CDH19: variants seen among roughly 807,000 people sequenced by gnomAD.
CDH19 encodes the protein cadherin 19, also known as cadherin-19.
A neutral mutation model predicts 64.2 loss-of-function variants in CDH19; 67 were observed. That is an observed-to-expected ratio of 1.04 (90% CI 0.86 to 1.28). CDH19 has a LOEUF of 1.28. Among genes scored for constraint, CDH19 ranks in the 50% most tolerant of loss-of-function variants. The probability of loss-of-function intolerance (pLI) is 0.00; values close to 1 mark genes in which losing one functional copy is unlikely to be tolerated. For missense variants in CDH19, 1,030 were observed against 929.0 expected (o/e 1.11, Z -1.41); for synonymous variants, 346 against 319.3 (o/e 1.08, Z -0.89).
chr18:66,519,734 GA>G (rs753101264), intron 9 of CDH19, among the ~76,000 whole-genome samples: 2 of 151,886 alleles, frequency 1.3e-5, no homozygotes, highest in Non-Finnish European at 2.9e-5. Context: ...ACCTAACAAA[GA>G]AACAAAAAAC....
At chr18:66,595,749 G>T (rs1031142154) in intron 1 of CDH19, among the ~76,000 whole-genome samples, 3 of 152,030 alleles carry the variant, frequency 2.0e-5, no homozygotes, top group African/African-American at 7.2e-5. Flanking sequence ...AAAGAAGACG[G>T]GGTATCAATT....
intron 9 of CDH19, among the ~76,000 whole-genome samples, chr18:66,514,943 C>T (rs1458741966): frequency 1.3e-5 from 2 of 151,536 alleles, no homozygotes; most frequent in African/African-American, 4.8e-5. Context: ...GTTTCCTTAC[C>T]TTCATGGCAA....
At chr18:66,521,520 T>C (rs1263675978) in intron 9 of CDH19, among the ~76,000 whole-genome samples, 13 of 76,462 alleles carry the variant, frequency 1.7e-4, no homozygotes, top group Non-Finnish European at 3.8e-4. Context: ...ATTTATTTAT[T>C]TATTTTGTTT....
intron 9 of CDH19, among the ~76,000 whole-genome samples, chr18:66,517,081 G>A (rs2144366783): frequency 6.6e-6 from 1 of 152,174 alleles, no homozygotes; most frequent in South Asian, 2.1e-4. Flanking sequence ...TGTTTTCTCA[G>A]GTTAGTCAGA....
intron 9 of CDH19, among the ~76,000 whole-genome samples, chr18:66,514,566 T>A (rs1335299124): frequency 6.6e-6 from 1 of 151,390 alleles, no homozygotes; most frequent in Non-Finnish European, 1.5e-5. Context: ...ACATTAGGTA[T>A]AAATGTATGA....
chr18:66,533,420 C>T lies in CDH19; in HGVS notation c.1336+1566G>A, dbSNP rs996163912. On this transcript the variant is annotated intron_variant, in intron 8 of 11. Transcript: ENST00000262150. Reference sequence around the variant, plus strand: ...AGGTTCGTATTTGTTATGGTTTCAGCGCATACATCATCACAGAATATCTTT... The same window carrying T: ...AGGTTCGTATTTGTTATGGTTTCAGTGCATACATCATCACAGAATATCTTT... 4.6e-5 allele frequency among the ~76,000 whole-genome samples: 7 copies of T among 151,964 alleles called. 1 individual carries two copies. In the South Asian group the frequency reaches 6.2e-4, roughly 14 times the overall value.
intron 1 of CDH19, among the ~76,000 whole-genome samples, chr18:66,576,589 A>G (rs1205390162): frequency 1.3e-5 from 2 of 151,608 alleles, no homozygotes; most frequent in African/African-American, 2.4e-5. Context: ...ACTTTTCTAA[A>G]TGTTTATACA....
intron 1 of CDH19, among the ~76,000 whole-genome samples, chr18:66,600,637 T>C (rs144408831): frequency 8.6e-5 from 13 of 152,016 alleles, no homozygotes; most frequent in African/African-American, 2.4e-4. Flanking sequence ...TAAAATGACA[T>C]GAAAGTTTTA....
chr18:66,549,043 A>G (rs929536034), intron 5 of CDH19, among the ~76,000 whole-genome samples: 13 of 152,100 alleles, frequency 8.5e-5, no homozygotes, highest in Non-Finnish European at 1.9e-4. Context: ...AGAGGAGGGT[A>G]ATGGGATTCC....
intron 3 of CDH19, among the ~76,000 whole-genome samples, chr18:66,563,167 G>A (rs140131517): frequency 1.3e-3 from 198 of 152,084 alleles, no homozygotes; most frequent in African/African-American, 4.6e-3. Context: ...AGAGAAATTA[G>A]CAACCTGTGG....
At chr18:66,530,469 C>T (rs1477074592) in intron 8 of CDH19, among the ~76,000 whole-genome samples, 1 of 151,716 alleles carries the variant, frequency 6.6e-6, no homozygotes, top group African/African-American at 2.4e-5. Flanking sequence ...AAATTTAGGG[C>T]GTAGCTTTTA....
At chr18:66,591,651 C>T (rs147141059) in intron 1 of CDH19, among the ~76,000 whole-genome samples, 197 of 151,846 alleles carry the variant, frequency 1.3e-3, no homozygotes, top group African/African-American at 4.3e-3. Context: ...GTCACTGTCA[C>T]GTCCGAATAT....
intron 3 of CDH19, among the ~76,000 whole-genome samples, chr18:66,555,686 C>A (rs1987492557): frequency 6.6e-6 from 1 of 151,616 alleles, no homozygotes; most frequent in Non-Finnish European, 1.5e-5. Flanking sequence ...TAGACACTTA[C>A]TAGTTTCAGA....
intron 7 of CDH19, among the ~76,000 whole-genome samples, 174 bp downstream of exon 7, chr18:66,543,797 C>T (rs1385978350): frequency 1.3e-5 from 2 of 151,970 alleles, no homozygotes; most frequent in Non-Finnish European, 2.9e-5. Context: ...GCAGAAGACT[C>T]GCTTGAACCT....
chr18:66,593,847 C>T (rs1471219925), intron 1 of CDH19, among the ~76,000 whole-genome samples: 1 of 151,926 alleles, frequency 6.6e-6, no homozygotes, highest in Non-Finnish European at 1.5e-5. Flanking sequence ...GAATGAAGTT[C>T]CACAATTCAA....
At chr18:66,518,384 C>T (rs1985832615) in intron 9 of CDH19, among the ~76,000 whole-genome samples, 1 of 152,048 alleles carries the variant, frequency 6.6e-6, no homozygotes, top group South Asian at 2.1e-4. Flanking sequence ...CAGGTGCCCA[C>T]CACCGTGCCC....
intron 9 of CDH19, among the ~76,000 whole-genome samples, chr18:66,518,942 C>G (rs114183814): frequency 0.02 from 3,012 of 152,202 alleles, 93 homozygotes; most frequent in African/African-American, 0.068. Flanking sequence ...TGCAGTCTCT[C>G]AGACACTTCA....
At chr18:66,554,699 C>A (rs539953574) in intron 3 of CDH19, among the ~76,000 whole-genome samples, 175 bp from the exon 4 acceptor site, 7 of 151,700 alleles carry the variant, frequency 4.6e-5, no homozygotes, top group African/African-American at 1.7e-4. Context: ...TTATTTTTTT[C>A]AGGCAAAAGA....
At chr18:66,568,774 A>G in intron 2 of CDH19, 64 bp from the exon 3 acceptor site, 1 of 1,354,082 alleles carries the variant, frequency 7.4e-7, no homozygotes, top group Non-Finnish European at 9.9e-7. Flanking sequence ...CAAAATCAAG[A>G]TTTTCTTTTT....
Sources: allele counts gnomAD v4.1 joint callset (sites outside exome capture counted in the v4.1 genomes callset), GRCh38; gene constraint gnomAD v4.1.1; transcripts MANE v1.5; gene names NCBI Gene and HGNC (gene_info 2026-07-23, HGNC 2026-07-21).